PCDH15: variants seen among roughly 807,000 people sequenced by gnomAD.
PCDH15 encodes the protein protocadherin related 15.
A neutral mutation model predicts 178.5 loss-of-function variants in PCDH15; 129 were observed. The observed-to-expected ratio is 0.72, with a 90% CI of 0.63 to 0.84. The LOEUF (loss-of-function observed/expected upper bound fraction) is 0.84. Among genes scored for constraint, PCDH15 ranks in the 40% least tolerant of loss-of-function variants. The pLI, the probability that PCDH15 is intolerant of heterozygous loss-of-function variation, is 0.00. For synonymous variants in PCDH15, 800 were observed against 732.0 expected, an observed-to-expected ratio of 1.09 and a Z score of -1.50; for missense variants, 2,230 against 2,099.9, an observed-to-expected ratio of 1.06 and a Z score of -1.21.
chr10:54,610,748 G>A (rs2092934508), intron 2 of PCDH15, among the ~76,000 whole-genome samples: 2 of 151,796 alleles, frequency 1.3e-5, no homozygotes, highest in African/African-American at 4.8e-5. Flanking sequence ...AATAAGAGTA[G>A]ATCAGGGAGA....
intron 21 of PCDH15, among the ~76,000 whole-genome samples, chr10:53,991,975 T>C (rs765042448): frequency 3.3e-5 from 5 of 152,058 alleles, no homozygotes; most frequent in Non-Finnish European, 7.4e-5. Flanking sequence ...CCTTCCACCC[T>C]GTGGAAGCGT....
intron 1 of PCDH15, among the ~76,000 whole-genome samples, chr10:55,302,789 A>G (rs1843319045): frequency 6.6e-6 from 1 of 152,102 alleles, no homozygotes; most frequent in Non-Finnish European, 1.5e-5. Flanking sequence ...CAAAAGTCCA[A>G]ACCTTGTAAA....
intron 5 of PCDH15, among the ~76,000 whole-genome samples, chr10:54,366,720 T>A (rs1189202333): frequency 6.6e-6 from 1 of 151,886 alleles, no homozygotes; most frequent in African/African-American, 2.4e-5. Context: ...GCACTGTTTT[T>A]TTTTTCAAGA....
chr10:54,122,000 C>CAA (rs199773906), intron 15 of PCDH15, among the ~76,000 whole-genome samples: 1 of 136,112 alleles, frequency 7.3e-6, no homozygotes, highest in Non-Finnish European at 1.6e-5. Context: ...GGCAAAGACA[C>CAA]ATACACACAC....
chr10:54,072,271 A>T (rs1214276954), intron 17 of PCDH15, among the ~76,000 whole-genome samples: 1 of 152,176 alleles, frequency 6.6e-6, no homozygotes, highest in East Asian at 1.9e-4. Context: ...TTCAATAATA[A>T]GTATAGTATT....
At chr10:54,425,814 T>C (rs1438856936) in intron 3 of PCDH15, among the ~76,000 whole-genome samples, 2 of 152,178 alleles carry the variant, frequency 1.3e-5, no homozygotes, top group African/African-American at 4.8e-5. Flanking sequence ...AGGATAAGCA[T>C]ATAATACATG....
intron 8 of PCDH15, among the ~76,000 whole-genome samples, chr10:54,256,241 T>C (rs1006329149): frequency 1.3e-5 from 2 of 152,224 alleles, no homozygotes; most frequent in Admixed American, 6.5e-5. Flanking sequence ...CCTAAGACCC[T>C]GGAGTGCAAT....
chr10:55,081,317 T>A (rs1481896213), intron 2 of PCDH15, among the ~76,000 whole-genome samples: 1 of 152,166 alleles, frequency 6.6e-6, no homozygotes, highest in Non-Finnish European at 1.5e-5. Context: ...ATGTCCCTAG[T>A]CAGCCAGCTT....
chr10:53,958,978 C>CAAAAAA (rs71004497), intron 23 of PCDH15, among the ~76,000 whole-genome samples: 9 of 45,810 alleles, frequency 2.0e-4, no homozygotes, highest in Non-Finnish European at 2.6e-4. Flanking sequence ...GACTCCATCT[C>CAAAAAA]AAAAAAAAAA....
intron 2 of PCDH15, among the ~76,000 whole-genome samples, chr10:55,615,481 T>C (rs529520190): frequency 1.3e-5 from 2 of 152,206 alleles, no homozygotes; most frequent in Non-Finnish European, 2.9e-5. Flanking sequence ...ATAATTTATA[T>C]TACTGCAACA....
intron 2 of PCDH15, among the ~76,000 whole-genome samples, chr10:55,166,087 A>C (rs1839189275): frequency 1.3e-5 from 2 of 152,166 alleles, no homozygotes; most frequent in Admixed American, 6.6e-5. Context: ...TCAGAAACAC[A>C]TAAAAGAAAA....
At chr10:54,667,811 T>C (rs2094595801) in intron 1 of PCDH15, among the ~76,000 whole-genome samples, 1 of 152,150 alleles carries the variant, frequency 6.6e-6, no homozygotes, top group African/African-American at 2.4e-5. Flanking sequence ...ACTTGTTTTT[T>C]AAGAGATAAT....
intron 7 of PCDH15, among the ~76,000 whole-genome samples, chr10:54,325,950 T>TA (rs934315112): frequency 1.3e-5 from 2 of 151,582 alleles, no homozygotes; most frequent in Admixed American, 6.6e-5. Context: ...AAGATAAATG[T>TA]AAAAAAAATG....
intron 3 of PCDH15, among the ~76,000 whole-genome samples, chr10:54,823,415 G>A (rs1186823923): frequency 6.6e-6 from 1 of 152,096 alleles, no homozygotes; most frequent in African/African-American, 2.4e-5. Context: ...CAGTTGTTAT[G>A]TAATGGTAAA....
chr10:54,733,353 T>G (rs1029717751), intron 1 of PCDH15, among the ~76,000 whole-genome samples: 35 of 151,554 alleles, frequency 2.3e-4, no homozygotes, highest in Non-Finnish European at 4.7e-4. Context: ...AGTCAAAAAC[T>G]GTAACCATAC....
intron 1 of PCDH15, among the ~76,000 whole-genome samples, chr10:54,736,107 C>A (rs1193977355): frequency 6.6e-6 from 1 of 151,994 alleles, no homozygotes; most frequent in Non-Finnish European, 1.5e-5. Context: ...CCCTCTTGAG[C>A]ACTTAGAAGC....
At chr10:54,464,802 T>C (rs2077413241) in intron 3 of PCDH15, among the ~76,000 whole-genome samples, 1 of 152,160 alleles carries the variant, frequency 6.6e-6, no homozygotes, top group African/African-American at 2.4e-5. Context: ...AAGAGCAACC[T>C]AATTCTATTG....
At chr10:54,266,970 C>A (rs935653362) in intron 8 of PCDH15, among the ~76,000 whole-genome samples, 5 of 151,722 alleles carry the variant, frequency 3.3e-5, no homozygotes, top group Non-Finnish European at 7.4e-5. Flanking sequence ...ATGGCAAATA[C>A]ACACACACAA....
chr10:54,473,177 C>A (rs2078038793), intron 3 of PCDH15, among the ~76,000 whole-genome samples: 1 of 152,076 alleles, frequency 6.6e-6, no homozygotes, highest in South Asian at 2.1e-4. Flanking sequence ...AAAGTGAATG[C>A]AAACACATAC....
Sources: allele counts gnomAD v4.1 joint callset (sites outside exome capture counted in the v4.1 genomes callset), GRCh38; gene constraint gnomAD v4.1.1; transcripts MANE v1.5; gene names NCBI Gene and HGNC (gene_info 2026-07-23, HGNC 2026-07-21).